The following ERP44 variants were observed in gnomAD, a reference collection of about 807,000 sequenced individuals.
ERP44 encodes the protein endoplasmic reticulum protein 44, also known as endoplasmic reticulum resident protein 44.
A neutral mutation model predicts 53.4 loss-of-function variants in ERP44; 25 were observed. That is an observed-to-expected ratio of 0.47 (90% CI 0.34 to 0.65). The LOEUF (loss-of-function observed/expected upper bound fraction) is 0.65. Among genes scored for constraint, ERP44 ranks in the 30% least tolerant of loss-of-function variants. The probability of loss-of-function intolerance (pLI) is 0.01; values close to 1 mark genes in which losing one functional copy is unlikely to be tolerated. For synonymous variants in ERP44, 145 were observed against 161.2 expected, an observed-to-expected ratio of 0.90 and a Z score of 0.76; for missense variants, 338 against 493.2, an observed-to-expected ratio of 0.69 and a Z score of 2.98.
chr9:100,015,106 T>TACTGA (rs1464690009), intron 8 of ERP44, among the ~76,000 whole-genome samples: 1 of 152,176 alleles, frequency 6.6e-6, no homozygotes, highest in African/African-American at 2.4e-5. Context: ...CATTCCCTAA[T>TACTGA]ACTGTCACAT....
At chr9:100,098,108 C>T (rs780814982) in intron 1 of ERP44, among the ~76,000 whole-genome samples, 55 of 152,250 alleles carry the variant, frequency 3.6e-4, no homozygotes, top group Non-Finnish European at 6.9e-4. Context: ...TGATGCTGAG[C>T]AGGTTAGGCA....
intron 4 of ERP44, among the ~76,000 whole-genome samples, chr9:100,029,811 C>T (rs1430256655): frequency 6.6e-6 from 1 of 152,128 alleles, no homozygotes; most frequent in Non-Finnish European, 1.5e-5. Context: ...AATGTGGGGC[C>T]GGGTGCGGTG....
intron 9 of ERP44, among the ~76,000 whole-genome samples, chr9:100,007,091 C>A (rs1315142781): frequency 6.6e-6 from 1 of 152,166 alleles, no homozygotes; most frequent in Non-Finnish European, 1.5e-5. Context: ...CTATAGAGTA[C>A]CTTTAGTTTA....
intron 1 of ERP44, among the ~76,000 whole-genome samples, chr9:100,076,799 TAACC>T (rs1485312618): frequency 9.2e-5 from 14 of 152,244 alleles, no homozygotes; most frequent in African/African-American, 3.4e-4. Context: ...AGGATTTTAA[TAACC>T]AAGTGGATAG....
At chr9:100,089,580 CAAAAAAAAAAAAAAA>C (rs71498726) in intron 1 of ERP44, among the ~76,000 whole-genome samples, 1 of 43,526 alleles carries the variant, frequency 2.3e-5, no homozygotes, top group Non-Finnish European at 4.9e-5. Context: ...GACTCCATCT[CAAAAAAAAAAAAAAA>C]AAAAAAAAGA....
intron 10 of ERP44, among the ~76,000 whole-genome samples, chr9:99,995,232 G>A (rs1830298931): frequency 6.6e-6 from 1 of 152,108 alleles, no homozygotes; most frequent in Non-Finnish European, 1.5e-5. Context: ...AGTAGTTCTA[G>A]GAGCTTTTTA....
chr9:100,013,119 G>A (rs537795374), intron 8 of ERP44, among the ~76,000 whole-genome samples: 1 of 152,162 alleles, frequency 6.6e-6, no homozygotes, highest in African/African-American at 2.4e-5. Flanking sequence ...TAAGATCTAA[G>A]AGCTGGAAGC....
At chr9:100,022,344 T>C in intron 4 of ERP44, 118 bp from the exon 5 acceptor site, 2 of 658,014 alleles carry the variant, frequency 3.0e-6, no homozygotes, top group Non-Finnish European at 4.9e-6. Context: ...GTCATTGTTT[T>C]TCAGTGAGAG....
intron 1 of ERP44, among the ~76,000 whole-genome samples, chr9:100,066,120 G>A (rs1826207320): frequency 6.6e-6 from 1 of 152,162 alleles, no homozygotes; most frequent in African/African-American, 2.4e-5. Context: ...CTAAAGTTCA[G>A]GAATACTGTT....
Position 100,063,363 on chromosome 9 carries a change from T to C in ERP44, c.58-3191A>G, listed in dbSNP as rs1348802206. ...GGGTGTAAAGGAGGCAGTTTCCTGT[T>C]AGCTTATCATTAACATTTCTATTAA... On this transcript the variant is annotated intron_variant, in intron 1 of 11. Coordinates refer to ENST00000262455, the MANE Select transcript of ERP44 (RefSeq NM_015051.3). 2.6e-5 allele frequency among the ~76,000 whole-genome samples: 4 copies of C among 152,284 alleles called. No homozygotes were observed. In the East Asian group the frequency reaches 7.7e-4, roughly 29 times the overall value.
At position 99,980,120 on chromosome 9, in the gene ERP44, A is replaced by G; in HGVS notation, c.*2492T>C. 1 of 398,436 alleles carries G rather than the reference A, an allele frequency of 2.5e-6. No individual in the cohort carries two copies. The highest frequency in any genetic ancestry group is 4.4e-6 in the Non-Finnish European group (1 of 225,930). 24.7% of individuals were successfully genotyped at this position (398,436 alleles called of 1,614,324 possible). A position where few individuals can be genotyped will look rare whatever the true frequency, so the allele number is the denominator to read the frequency against. On this transcript the variant is annotated 3_prime_UTR_variant, in exon 12 of 12. Transcript: ENST00000262455. ...CCTATTCATCTTTTTAAAGCTCAAA[A>G]TAAAAATAATGTCCTCAAATCTCTG...
intron 8 of ERP44, among the ~76,000 whole-genome samples, chr9:100,009,761 TAAACA>T (rs1830454257): frequency 6.6e-6 from 1 of 152,214 alleles, no homozygotes; most frequent in African/African-American, 2.4e-5. Context: ...TTTCAAATTC[TAAACA>T]AGTACCTTAA....
In ERP44 at chr9:100,064,850, A is replaced by G. The variant is rs187485233; in HGVS notation, c.58-4678T>C. Reference sequence around the variant, plus strand: ...AAAGAAAAAAATATTTTAATAAAACAAGCAAACAGAATGAGGTTATAAAGA... The same window carrying G: ...AAAGAAAAAAATATTTTAATAAAACGAGCAAACAGAATGAGGTTATAAAGA... On this transcript the variant is annotated intron_variant, in intron 1 of 11. Transcript: ENST00000262455. Among the ~76,000 whole-genome samples the G allele has an allele frequency of 2.1e-3, 316 of 152,340 alleles. 1 individual carries two copies. The highest frequency in any genetic ancestry group is 7.3e-3 in the African/African-American group (302 of 41,582).
intron 2 of ERP44, among the ~76,000 whole-genome samples, chr9:100,059,591 G>A (rs998852414): frequency 6.6e-6 from 1 of 152,112 alleles, no homozygotes; most frequent in Non-Finnish European, 1.5e-5. Context: ...GGAAGGTTGA[G>A]GAAAGAGGAT....
At chr9:100,037,338 A>G (rs1399814208) in intron 4 of ERP44, among the ~76,000 whole-genome samples, 5 of 152,204 alleles carry the variant, frequency 3.3e-5, no homozygotes, top group Non-Finnish European at 7.3e-5. Flanking sequence ...TCAGAACTTG[A>G]GTTCTGGCAA....
rs117685593 is a variant in ERP44, at chr9:99,987,415, C to T, written c.1017-2346G>A. 4.1e-3 allele frequency among the ~76,000 whole-genome samples: 629 copies of T among 152,296 alleles called. 17 individuals carry two copies. Among genetic ancestry groups the T allele is most frequent in the Admixed American group, 0.03 (453 of 15,302 alleles). On this transcript the variant is annotated intron_variant, in intron 10 of 11. Coordinates refer to ENST00000262455, the MANE Select transcript of ERP44 (RefSeq NM_015051.3). Reference sequence around the variant, plus strand: ...TTAGAACACCTAAGTGTTTCCCATCCTCCAGTTACTTTTTTGTTTATTTAC... The same window carrying T: ...TTAGAACACCTAAGTGTTTCCCATCTTCCAGTTACTTTTTTGTTTATTTAC...
chr9:100,068,223 C>T (rs1826248573), intron 1 of ERP44, among the ~76,000 whole-genome samples: 1 of 148,702 alleles, frequency 6.7e-6, no homozygotes, highest in East Asian at 2.1e-4. Flanking sequence ...CAGCCCTGCG[C>T]CCGGCCAGCC....
chr9:99,983,622 G>C (rs1830171369), intron 11 of ERP44, among the ~76,000 whole-genome samples: 2 of 147,446 alleles, frequency 1.4e-5, no homozygotes, highest in Admixed American at 1.3e-4. Context: ...GTGACCTCAA[G>C]AGCAGGCCTG....
chr9:99,990,421 A>G (rs886280834), intron 10 of ERP44, among the ~76,000 whole-genome samples: 13 of 152,254 alleles, frequency 8.5e-5, no homozygotes, highest in African/African-American at 1.7e-4. Context: ...ACTAAGCTTC[A>G]TAAGTGAAGG....
Sources: gnomAD v4.1 joint callset for allele counts (sites outside exome capture counted in the v4.1 genomes callset) on GRCh38, gnomAD v4.1.1 for gene constraint, MANE v1.5 for transcripts, NCBI Gene and HGNC (gene_info 2026-07-23, HGNC 2026-07-21) for gene names.